DEK: variants seen among roughly 807,000 people sequenced by gnomAD.
The protein encoded by DEK is protein DEK.
A neutral mutation model predicts 46.8 loss-of-function variants in DEK; 28 were observed. The observed-to-expected ratio is 0.60, with a 90% CI of 0.44 to 0.82. The LOEUF is 0.82. Among genes scored for constraint, DEK ranks in the 40% least tolerant of loss-of-function variants. The probability of loss-of-function intolerance (pLI) is 0.00; values close to 1 mark genes in which losing one functional copy is unlikely to be tolerated. For synonymous variants in DEK, 160 were observed against 144.5 expected (o/e 1.11, Z -0.77); for missense variants, 416 against 430.6 (o/e 0.97, Z 0.30).
rs145013266 is a variant in DEK at position 18,263,959 on chromosome 6, C to A, written c.29G>T (p.Gly10Val). Residue 10 changes from glycine (G) to valine (V), a missense_variant, in exon 2 of 11, where the codon GGG becomes GTG. Coordinates refer to ENST00000652689, the MANE Select transcript of DEK (RefSeq NM_003472.4). MSASAPAAE[G>V]EGTPTQPASE... ...CGCGGGCTGGGTGGGGGTTCCCTCC[C>A]CCTCCGCAGCAGGGGCCGAGGCGGA... is the stretch of plus-strand genomic sequence containing the variant. 46 of 1,612,676 alleles carry A rather than the reference C, an allele frequency of 2.9e-5. No homozygotes were observed. The African/African-American group carries it at 5.5e-4, about 19-fold the overall frequency.
At chr6:18,236,302 C>A in intron 9 of DEK, 150 bp downstream of exon 9, 1 of 724,466 alleles carries the variant, frequency 1.4e-6, no homozygotes, top group Non-Finnish European at 2.1e-6. Flanking sequence ...TAAGTGGTAT[C>A]CCAGCACCTG....
intron 7 of DEK, among the ~76,000 whole-genome samples, chr6:18,238,886 A>C (rs891440489): frequency 1.3e-5 from 2 of 152,124 alleles, no homozygotes; most frequent in Non-Finnish European, 2.9e-5. Context: ...CAAATGTTTA[A>C]CACTCTTGAT....
At chr6:18,264,027 G>A (rs1257549839) in intron 1 of DEK, 31 bp from the exon 2 acceptor site, 6 of 1,570,914 alleles carry the variant, frequency 3.8e-6, no homozygotes, top group Non-Finnish European at 5.2e-6. Flanking sequence ...GGACGTCTCG[G>A]TCCTCCTACT....
chr6:18,239,228 C>T (rs1790799267), intron 7 of DEK, among the ~76,000 whole-genome samples: 1 of 151,794 alleles, frequency 6.6e-6, no homozygotes, highest in African/African-American at 2.4e-5. Flanking sequence ...CCGGCCAAGT[C>T]AACCTGTTTT....
At chr6:18,235,396 A>G (rs1181589034) in intron 9 of DEK, among the ~76,000 whole-genome samples, 1 of 152,136 alleles carries the variant, frequency 6.6e-6, no homozygotes, top group African/African-American at 2.4e-5. Context: ...TTAATGTGTT[A>G]TTGTTCCTCA....
chr6:18,254,681 A>G (rs214522), intron 6 of DEK, among the ~76,000 whole-genome samples: 28,398 of 152,070 alleles, frequency 0.19, 3,018 homozygotes, highest in South Asian at 0.29. Flanking sequence ...AATATCTGTC[A>G]TAACAACCTA....
At chr6:18,243,060 A>G (rs545457344) in intron 7 of DEK, among the ~76,000 whole-genome samples, 10 of 152,320 alleles carry the variant, frequency 6.6e-5, no homozygotes, top group African/African-American at 2.2e-4. Context: ...AGTTTCAGGC[A>G]TACACTGGGG....
chr6:18,246,625 A>C (rs992956700), intron 7 of DEK, among the ~76,000 whole-genome samples: 1 of 152,242 alleles, frequency 6.6e-6, no homozygotes, highest in Non-Finnish European at 1.5e-5. Context: ...TAAACACCTT[A>C]GTCTTCTACA....
chr6:18,224,841 G>A lies in DEK; in HGVS notation c.*878C>T, dbSNP rs1162632183. 4.7e-6 allele frequency: 1 copy of A among 210,712 alleles called. No individual in the cohort carries two copies. Among genetic ancestry groups the A allele is most frequent in the African/African-American group, 2.3e-5 (1 of 44,080 alleles). 13.1% of individuals were successfully genotyped at this position (210,712 alleles called of 1,614,324 possible). A position where few individuals can be genotyped will look rare whatever the true frequency, so the allele number is the denominator to read the frequency against. On this transcript the variant is annotated 3_prime_UTR_variant, in exon 11 of 11. Transcript: ENST00000652689. Reference sequence around the variant, plus strand: ...CCCACCCTTTCCCAAAGTTTTTGAAGCTTTGATAGGTTGATTTTTGGTCTG... The same window carrying A: ...CCCACCCTTTCCCAAAGTTTTTGAAACTTTGATAGGTTGATTTTTGGTCTG...
chr6:18,244,990 A>T (rs955556107), intron 7 of DEK, among the ~76,000 whole-genome samples: 1 of 152,216 alleles, frequency 6.6e-6, no homozygotes, highest in Non-Finnish European at 1.5e-5. Flanking sequence ...CTTGGCAAAC[A>T]TTGTAAGATG....
Position 18,264,482 on chromosome 6 carries a change from G to C in DEK, c.-107C>G. On this transcript the variant is annotated 5_prime_UTR_variant, in exon 1 of 11. Transcript: ENST00000652689. ...CCGAGGAGAAGGCGCGCGGGCCGCT[G>C]TCTGGCGTGACGCTCGCGCCGCGCG... The C allele has an allele frequency of 3.6e-6, 1 of 274,230 alleles. No homozygotes were observed. The highest frequency in any genetic ancestry group is 3.4e-5 in the South Asian group (1 of 29,772). The allele number at this position is 274,230 out of a possible 1,614,324, so 17.0% of individuals were successfully genotyped here.
chr6:18,264,203 CCGCGCCCGCTGCCCCGCGTG>C (rs1203682343), intron 1 of DEK, 162 bp downstream of exon 1: 5 of 400,978 alleles, frequency 1.2e-5, no homozygotes, highest in Non-Finnish European at 2.1e-5. Flanking sequence ...AGGCGGGAAA[CCGCGCCCGCTGCCCCGCGTG>C]CGCGCGCGCC....
intron 7 of DEK, among the ~76,000 whole-genome samples, chr6:18,246,895 T>C (rs1791143868): frequency 6.6e-6 from 1 of 152,238 alleles, no homozygotes; most frequent in Non-Finnish European, 1.5e-5. Flanking sequence ...TAAGAGTCTT[T>C]TATTTATCAA....
At chr6:18,253,542 C>T (rs1013802151) in intron 6 of DEK, among the ~76,000 whole-genome samples, 5 of 152,166 alleles carry the variant, frequency 3.3e-5, no homozygotes, top group African/African-American at 4.8e-5. Context: ...CAAAACTATA[C>T]ATACAAGACC....
At chr6:18,252,003 A>T (rs181104471) in intron 6 of DEK, among the ~76,000 whole-genome samples, 25 of 152,226 alleles carry the variant, frequency 1.6e-4, no homozygotes, top group Non-Finnish European at 3.1e-4. Flanking sequence ...AATGCCTTAG[A>T]GTTTTCCTAT....
intron 3 of DEK, 113 bp downstream of exon 3, chr6:18,258,191 A>G: frequency 8.9e-7 from 1 of 1,118,794 alleles, no homozygotes. Context: ...AAATTAAATA[A>G]AATTATACCA....
In DEK at chr6:18,261,537, C is replaced by T. The variant is rs1345575904; in HGVS notation, c.145+2306G>A. Among the ~76,000 whole-genome samples, 3 of 152,210 alleles carry T rather than the reference C, an allele frequency of 2.0e-5. No homozygotes were observed. In the East Asian group the frequency reaches 5.8e-4, roughly 29 times the overall value. ...GGTTAGCCGAGGTCAGGCCACTGCA[C>T]TCCAGCCTGGGCAACGAGAGCGAAA... On this transcript the variant is annotated intron_variant, in intron 2 of 10. Coordinates refer to ENST00000652689, the MANE Select transcript of DEK (RefSeq NM_003472.4).
intron 9 of DEK, among the ~76,000 whole-genome samples, chr6:18,233,224 A>C (rs1463267196): frequency 6.6e-6 from 1 of 151,830 alleles, no homozygotes; most frequent in Non-Finnish European, 1.5e-5. Context: ...AGACTTAAAC[A>C]TTAGACCTAA....
chr6:18,238,244 TTATGAC>T (rs1020575615), intron 7 of DEK, among the ~76,000 whole-genome samples: 94 of 152,106 alleles, frequency 6.2e-4, no homozygotes, highest in African/African-American at 2.1e-3. Context: ...CAATAAATAC[TTATGAC>T]TATATGAGGA....
Sources: allele counts gnomAD v4.1 joint callset (sites outside exome capture counted in the v4.1 genomes callset), GRCh38; gene constraint gnomAD v4.1.1; transcripts MANE v1.5; gene names NCBI Gene and HGNC (gene_info 2026-07-23, HGNC 2026-07-21).